The following CDK19 variants were observed in gnomAD, a reference collection of about 807,000 sequenced individuals.
CDK19 encodes cyclin dependent kinase 19, also known as cyclin-dependent kinase 19.
In CDK19, 20 loss-of-function variants were observed where a neutral mutation model predicts 68.3. The ratio of observed to expected loss-of-function variants is 0.29; its 90% CI spans 0.21 to 0.43. The LOEUF (loss-of-function observed/expected upper bound fraction) is 0.43, where lower values mean the gene tolerates loss of function less well. CDK19 is among the 20% of genes least tolerant of loss of function. The pLI is 1.00. For missense variants in CDK19, 339 were observed against 623.5 expected (o/e 0.54, Z 4.86); for synonymous variants, 221 against 222.8 (o/e 0.99, Z 0.07).
chr6:110,683,247 T>C (rs1256643970), intron 2 of CDK19, among the ~76,000 whole-genome samples: 1 of 151,848 alleles, frequency 6.6e-6, no homozygotes, highest in South Asian at 2.1e-4. Context: ...AAATTATAGC[T>C]TTTATTATCA....
At chr6:110,713,283 T>C (rs529924039) in intron 2 of CDK19, among the ~76,000 whole-genome samples, 1 of 151,814 alleles carries the variant, frequency 6.6e-6, no homozygotes, top group African/African-American at 2.4e-5. Flanking sequence ...GGGTTGTTTG[T>C]AACTAGCAAA....
At chr6:110,626,625 C>T (rs953755786) in intron 8 of CDK19, 151 bp downstream of exon 8, 1 of 515,492 alleles carries the variant, frequency 1.9e-6, no homozygotes, top group Non-Finnish European at 3.4e-6. Flanking sequence ...AAGCAACCTT[C>T]ATGGGATTAC....
Position 110,652,254 on chromosome 6 carries a change from G to A in CDK19, c.457-13548C>T, listed in dbSNP as rs1781020499. Reference sequence around the variant, plus strand: ...TCTCGAAGCTAAGAGAACCTAAAAAGTAGCCATCAGGTGCAACATAATGAA... The same window carrying A: ...TCTCGAAGCTAAGAGAACCTAAAAAATAGCCATCAGGTGCAACATAATGAA... On this transcript the variant is annotated intron_variant, in intron 4 of 12. Coordinates refer to ENST00000368911, the MANE Select transcript of CDK19 (RefSeq NM_015076.5). Among the ~76,000 whole-genome samples, 3 of 152,276 alleles carry A rather than the reference G, an allele frequency of 2.0e-5. No individual in the cohort carries two copies. The South Asian group carries it at 6.2e-4, about 32-fold the overall frequency.
intron 1 of CDK19, among the ~76,000 whole-genome samples, chr6:110,771,533 G>A (rs1413585976): frequency 6.6e-6 from 1 of 152,186 alleles, no homozygotes; most frequent in Non-Finnish European, 1.5e-5. Flanking sequence ...GCCTGTGATG[G>A]GAGAGGCTGC....
At chr6:110,691,128 T>A (rs1732549308) in intron 2 of CDK19, among the ~76,000 whole-genome samples, 2 of 152,110 alleles carry the variant, frequency 1.3e-5, no homozygotes, top group Admixed American at 1.3e-4. Context: ...AAGAAATTTT[T>A]TAAAAAAAAT....
intron 2 of CDK19, among the ~76,000 whole-genome samples, chr6:110,702,855 C>T (rs1434000166): frequency 6.6e-6 from 1 of 152,016 alleles, no homozygotes; most frequent in African/African-American, 2.4e-5. Flanking sequence ...TGCAGAATGA[C>T]CAGGTGTTAA....
intron 2 of CDK19, among the ~76,000 whole-genome samples, chr6:110,719,972 G>GCTCCCCCCCCCCCCCCCCCCCC (rs1554211507): frequency 7.3e-4 from 33 of 45,514 alleles, no homozygotes; most frequent in Non-Finnish European, 8.4e-4. Context: ...CTTGTGATCC[G>GCTCCCCCCCCCCCCCCCCCCCC]CCCCCCCCCC....
At chr6:110,789,773 G>C (rs1781469486) in intron 1 of CDK19, among the ~76,000 whole-genome samples, 1 of 152,136 alleles carries the variant, frequency 6.6e-6, no homozygotes, top group Non-Finnish European at 1.5e-5. Flanking sequence ...AAATAGACTA[G>C]TATCTACATA....
intron 2 of CDK19, among the ~76,000 whole-genome samples, chr6:110,716,707 T>C (rs1384447672): frequency 2.0e-5 from 3 of 152,182 alleles, no homozygotes; most frequent in South Asian, 2.1e-4. Context: ...GATATAGATA[T>C]ATAGAGAACA....
intron 4 of CDK19, chr6:110,645,767 C>A (rs1780520846): frequency 1.8e-6 from 1 of 564,870 alleles, no homozygotes; most frequent in Non-Finnish European, 3.4e-6. Flanking sequence ...GGACAATGAG[C>A]GGCTGTTTTC....
In CDK19 at chr6:110,815,457, T is replaced by G; in HGVS notation, c.-321A>C. ...CGCGCCGTGGCTTCCTCGAGCTCAT[T>G]AGCGAACTCACTGGCCCGCCCCATG... On this transcript the variant is annotated 5_prime_UTR_variant, in exon 1 of 13. Coordinates refer to ENST00000368911, the MANE Select transcript of CDK19 (RefSeq NM_015076.5). 1.4e-5 allele frequency: 3 copies of G among 211,972 alleles called. No homozygotes were observed. The highest frequency in any genetic ancestry group is 2.8e-5 in the Non-Finnish European group (3 of 107,898). 13.1% of individuals were successfully genotyped at this position (211,972 alleles called of 1,614,324 possible).
chr6:110,814,605 T>C (rs1008647039), intron 1 of CDK19: 7 of 463,446 alleles, frequency 1.5e-5, no homozygotes, highest in Non-Finnish European at 2.6e-5. Context: ...GATTGGAAGT[T>C]CCACAACGAC....
At chr6:110,623,839 TACACATATATAC>T (rs1159843999) in intron 8 of CDK19, among the ~76,000 whole-genome samples, 3 of 147,582 alleles carry the variant, frequency 2.0e-5, no homozygotes, top group African/African-American at 7.4e-5. Flanking sequence ...CACATATATA[TACACATATATAC>T]ATATATATAC....
intron 2 of CDK19, among the ~76,000 whole-genome samples, chr6:110,742,443 A>G (rs970478801): frequency 2.0e-5 from 3 of 152,200 alleles, no homozygotes; most frequent in African/African-American, 7.2e-5. Flanking sequence ...ACCCTGAAAA[A>G]GAACAGAATA....
intron 4 of CDK19, among the ~76,000 whole-genome samples, chr6:110,648,161 G>A (rs927420346): frequency 1.3e-5 from 2 of 152,078 alleles, no homozygotes; most frequent in Non-Finnish European, 2.9e-5. Context: ...ATACAAGGAT[G>A]CCTACTATCA....
chr6:110,678,773 G>A (rs1267995345), intron 2 of CDK19, among the ~76,000 whole-genome samples: 1 of 152,196 alleles, frequency 6.6e-6, no homozygotes, highest in Non-Finnish European at 1.5e-5. Context: ...TGATTCTAGA[G>A]AAGCTATTTT....
At chr6:110,714,588 T>G (rs1333486656) in intron 2 of CDK19, among the ~76,000 whole-genome samples, 2 of 152,170 alleles carry the variant, frequency 1.3e-5, no homozygotes, top group Non-Finnish European at 2.9e-5. Context: ...GTTATTATTA[T>G]TACCATTCTA....
chr6:110,794,382 T>A (rs748056502), intron 1 of CDK19, among the ~76,000 whole-genome samples: 24 of 145,900 alleles, frequency 1.6e-4, no homozygotes, highest in Non-Finnish European at 3.0e-4. Flanking sequence ...AGATTTGCAC[T>A]CTCCTCTCTC....
intron 4 of CDK19, among the ~76,000 whole-genome samples, chr6:110,645,279 C>T (rs913021299): frequency 6.6e-6 from 1 of 152,096 alleles, no homozygotes; most frequent in Non-Finnish European, 1.5e-5. Context: ...AATTAAAACT[C>T]TACATATTTG....
Sources: gnomAD v4.1 joint callset for allele counts (sites outside exome capture counted in the v4.1 genomes callset) on GRCh38, gnomAD v4.1.1 for gene constraint, MANE v1.5 for transcripts, NCBI Gene and HGNC (gene_info 2026-07-23, HGNC 2026-07-21) for gene names.